Variants in CLSTN2 observed in about 807,000 individuals in gnomAD.
CLSTN2 encodes calsyntenin 2.
A neutral mutation model predicts 101.2 loss-of-function variants in CLSTN2; 48 were observed. That is an observed-to-expected ratio of 0.47 (90% confidence interval 0.38 to 0.60). The LOEUF is 0.60. CLSTN2 is among the 20% of genes least tolerant of loss of function. The pLI, the probability that CLSTN2 is intolerant of heterozygous loss-of-function variation, is 0.00. For missense variants in CLSTN2, 1,160 were observed against 1,238.2 expected (o/e 0.94, Z 0.95); for synonymous variants, 481 against 463.6 (o/e 1.04, Z -0.48).
chr3:140,328,193 C>G (rs1389832475), intron 2 of CLSTN2, among the ~76,000 whole-genome samples: 8 of 152,250 alleles, frequency 5.3e-5, no homozygotes, highest in Non-Finnish European at 1.0e-4. Context: ...CCAGGGCAGA[C>G]AGACACTTTC....
intron 5 of CLSTN2, 78 bp downstream of exon 5, chr3:140,421,352 T>C: frequency 1.3e-6 from 2 of 1,522,950 alleles, no homozygotes; most frequent in Middle Eastern, 2.3e-4. Context: ...CCTCAAATCA[T>C]CACAACACAT....
chr3:140,488,965 C>T (rs1250895190), intron 8 of CLSTN2, among the ~76,000 whole-genome samples: 1 of 152,014 alleles, frequency 6.6e-6, no homozygotes, highest in Non-Finnish European at 1.5e-5. Flanking sequence ...CTGTGTTCTT[C>T]AACAGATAAA....
intron 2 of CLSTN2, among the ~76,000 whole-genome samples, chr3:140,206,027 A>G (rs1420443685): frequency 6.6e-6 from 1 of 152,226 alleles, no homozygotes; most frequent in Non-Finnish European, 1.5e-5. Flanking sequence ...TATTAAAGAT[A>G]TAAACTTGAA....
At chr3:140,000,821 T>A (rs753551297) in intron 1 of CLSTN2, among the ~76,000 whole-genome samples, 2 of 152,202 alleles carry the variant, frequency 1.3e-5, no homozygotes, top group African/African-American at 2.4e-5. Flanking sequence ...TCTCTACTGT[T>A]GTCCAGGAGA....
At chr3:140,304,978 T>A (rs372976745) in intron 2 of CLSTN2, among the ~76,000 whole-genome samples, 9 of 151,740 alleles carry the variant, frequency 5.9e-5, no homozygotes, top group African/African-American at 2.2e-4. Context: ...CTATGCATGA[T>A]AGTTTGCTTC....
chr3:140,336,410 G>T (rs1052201588), intron 2 of CLSTN2, among the ~76,000 whole-genome samples: 1 of 152,216 alleles, frequency 6.6e-6, no homozygotes, highest in Non-Finnish European at 1.5e-5. Flanking sequence ...AAGGAGATGA[G>T]GCTGGACTAT....
At position 140,097,090 on chromosome 3, in the gene CLSTN2, A is replaced by G. The variant is rs112714530; in HGVS notation, c.110-78861A>G. Among the ~76,000 whole-genome samples the G allele has an allele frequency of 1.6e-3, 241 of 152,314 alleles. 1 individual carries two copies. Among genetic ancestry groups the G allele is most frequent in the African/African-American group, 5.6e-3 (231 of 41,574 alleles). ...TCTCCCAGCCCCAATATTGGGTACA[A>G]TATTATAGAATTATTTTGTCAAATG... On this transcript the variant is annotated intron_variant, in intron 1 of 16. Coordinates refer to ENST00000458420, the MANE Select transcript of CLSTN2 (RefSeq NM_022131.3).
At chr3:140,440,086 G>A (rs1356873069) in intron 5 of CLSTN2, among the ~76,000 whole-genome samples, 1 of 152,166 alleles carries the variant, frequency 6.6e-6, no homozygotes, top group African/African-American at 2.4e-5. Flanking sequence ...AGGCTGGGGT[G>A]GAGATTGGGG....
At chr3:140,412,173 AC>A (rs1162901848) in intron 4 of CLSTN2, among the ~76,000 whole-genome samples, 1 of 152,074 alleles carries the variant, frequency 6.6e-6, no homozygotes, top group African/African-American at 2.4e-5. Flanking sequence ...GCGCCACAAC[AC>A]CTGATTAATT....
At chr3:140,328,552 G>A in intron 2 of CLSTN2, among the ~76,000 whole-genome samples, 1 of 152,180 alleles carries the variant, frequency 6.6e-6, no homozygotes, top group East Asian at 1.9e-4. Context: ...GGAAAGAAGA[G>A]AGCTGAGGCC....
At chr3:140,043,878 G>C (rs1010363796) in intron 1 of CLSTN2, among the ~76,000 whole-genome samples, 1 of 152,070 alleles carries the variant, frequency 6.6e-6, no homozygotes, top group Non-Finnish European at 1.5e-5. Context: ...TGTTCCATTG[G>C]TCTATATCTC....
At chr3:140,262,490 C>A (rs2086661694) in intron 2 of CLSTN2, among the ~76,000 whole-genome samples, 1 of 6,608 alleles carries the variant, frequency 1.5e-4, no homozygotes, top group African/African-American at 1.7e-4. Context: ...GAATTATGAA[C>A]TCTAACTGGT....
intron 1 of CLSTN2, among the ~76,000 whole-genome samples, chr3:140,155,577 A>G (rs1410985797): frequency 6.6e-6 from 1 of 152,216 alleles, no homozygotes; most frequent in Non-Finnish European, 1.5e-5. Flanking sequence ...CTCAGATTCT[A>G]AGGCAGAACA....
chr3:140,054,293 C>A (rs140031363), intron 1 of CLSTN2, among the ~76,000 whole-genome samples: 1 of 152,124 alleles, frequency 6.6e-6, no homozygotes, highest in Non-Finnish European at 1.5e-5. Context: ...TTTTAAGATG[C>A]GTTTGCTTAA....
chr3:139,983,916 A>T (rs1006403995), intron 1 of CLSTN2, among the ~76,000 whole-genome samples: 1 of 152,200 alleles, frequency 6.6e-6, no homozygotes, highest in African/African-American at 2.4e-5. Context: ...ATAAATATAT[A>T]AGGCTATATT....
intron 2 of CLSTN2, among the ~76,000 whole-genome samples, chr3:140,275,132 C>T (rs758131570): frequency 1.2e-4 from 18 of 152,272 alleles, no homozygotes; most frequent in South Asian, 2.1e-4. Flanking sequence ...GGGGCAACTC[C>T]GAGATTTAAC....
At chr3:140,444,415 A>G (rs1933030235) in intron 5 of CLSTN2, among the ~76,000 whole-genome samples, 1 of 140,244 alleles carries the variant, frequency 7.1e-6, no homozygotes, top group Non-Finnish European at 1.6e-5. Context: ...GGGTGACAAG[A>G]GCAAAACTCC....
intron 2 of CLSTN2, among the ~76,000 whole-genome samples, chr3:140,326,128 C>T (rs1040430666): frequency 6.6e-6 from 1 of 152,206 alleles, no homozygotes; most frequent in Admixed American, 6.5e-5. Context: ...ACACTCTTCT[C>T]TGCTGCCGGG....
chr3:140,138,589 T>A (rs2009650002), intron 1 of CLSTN2, among the ~76,000 whole-genome samples: 1 of 152,208 alleles, frequency 6.6e-6, no homozygotes, highest in African/African-American at 2.4e-5. Context: ...CATCAAGAAT[T>A]AGAAGACATG....
Sources: gnomAD v4.1 joint callset for allele counts (sites outside exome capture counted in the v4.1 genomes callset) on GRCh38, gnomAD v4.1.1 for gene constraint, MANE v1.5 for transcripts, NCBI Gene and HGNC (gene_info 2026-07-23, HGNC 2026-07-21) for gene names.